The following ABCA8 variants were observed in gnomAD, a reference collection of about 807,000 sequenced individuals.
ABCA8 encodes ABC-type organic anion transporter ABCA8.
ABCA8 carries 177 observed loss-of-function variants against 192.3 expected under a neutral mutation model. The observed-to-expected ratio is 0.92, with a 90% CI of 0.81 to 1.04. The LOEUF (loss-of-function observed/expected upper bound fraction) is 1.04. ABCA8 is among the 50% of genes least tolerant of loss of function. ABCA8 has a pLI of 0.00. For synonymous variants in ABCA8, 642 were observed against 690.2 expected (o/e 0.93, Z 1.09); for missense variants, 1,915 against 1,904.8 (o/e 1.01, Z -0.10).
At chr17:68,912,740 T>C (rs1387608756) in intron 17 of ABCA8, among the ~76,000 whole-genome samples, 1 of 152,094 alleles carries the variant, frequency 6.6e-6, no homozygotes, top group East Asian at 1.9e-4. Context: ...CACCCAGATA[T>C]GTAATGCAAA....
chr17:68,877,676 G>A lies in ABCA8; in HGVS notation c.4042C>T (p.Leu1348=). The A allele has an allele frequency of 6.2e-7, 1 of 1,608,296 alleles. No individual in the cohort carries two copies. The highest frequency in any genetic ancestry group is 8.5e-7 in the Non-Finnish European group (1 of 1,176,732). The change falls in exon 33 of 40, where the codon CTA becomes TTA. Residue 1348 remains leucine (L), a synonymous_variant. Coordinates refer to ENST00000586539, the MANE Select transcript of ABCA8 (RefSeq NM_001288985.2). Reference sequence around the variant, plus strand: ...TCCCCTCCACCGCTCCCTTTCAGTAGCACCTGCAGATGAAAGTTCCCTCTC... The same window carrying A: ...TCCCCTCCACCGCTCCCTTTCAGTAACACCTGCAGATGAAAGTTCCCTCTC... The part of the protein sequence containing the change: ...GDTKPTAGQV[L]LKGSGGGDAL...
In ABCA8 at chr17:68,895,136, A is replaced by G; in HGVS notation, c.2765-123T>C. 5.3e-6 allele frequency: 3 copies of G among 560,910 alleles called. 1 individual carries two copies. In the South Asian group the frequency reaches 1.9e-4, roughly 36 times the overall value. 34.7% of individuals were successfully genotyped at this position (560,910 alleles called of 1,614,324 possible). A position where few individuals can be genotyped will look rare whatever the true frequency, so the allele number is the denominator to read the frequency against. The stretch of plus-strand genomic sequence containing the variant: ...AATATGGACTGTCAGGATATTTTCT[A>G]CATAACATACATAACATCTATTATT... On this transcript the variant is annotated intron_variant, in intron 21 of 39. Coordinates refer to ENST00000586539, the MANE Select transcript of ABCA8 (RefSeq NM_001288985.2).
chr17:68,935,540 C>CTATATATATATATATA (rs6146128), intron 5 of ABCA8, among the ~76,000 whole-genome samples: 3,410 of 86,312 alleles, frequency 0.04, 136 homozygotes, highest in South Asian at 0.052. Flanking sequence ...AGTAGTATTC[C>CTATATATATATATATA]TATATATATA....
intron 15 of ABCA8, 26 bp from the exon 16 acceptor site, chr17:68,918,211 C>T (rs367597953): frequency 1.7e-4 from 278 of 1,611,788 alleles, no homozygotes; most frequent in Admixed American, 3.2e-4. Context: ...GTATATAAGG[C>T]GGTTTTCCTC....
Position 68,894,329 on chromosome 17 carries a change from G to A in ABCA8, c.2899-19C>T, listed in dbSNP as rs1486193694. On this transcript the variant is annotated intron_variant, in intron 22 of 39. Transcript: ENST00000586539. The stretch of plus-strand genomic sequence containing the variant: ...TGTAATTCTAAAATATAACAAGTAG[G>A]ATATAAGTTCTCAAATATCTTCATT... The A allele has an allele frequency of 6.3e-7, 1 of 1,574,864 alleles. No individual in the cohort carries two copies. Among genetic ancestry groups the A allele is most frequent in the East Asian group, 2.3e-5 (1 of 44,376 alleles).
chr17:68,923,217 T>A (rs573840205), intron 11 of ABCA8, among the ~76,000 whole-genome samples: 14 of 151,554 alleles, frequency 9.2e-5, no homozygotes, highest in African/African-American at 2.7e-4. Context: ...TTTTTTTTTT[T>A]GAGAGAGAGT....
rs1029613407 is a variant in ABCA8 at position 68,928,048 on chromosome 17, A to G, written c.1141T>C (p.Tyr381His). Residue 381 changes from tyrosine to histidine, a missense_variant, in exon 10 of 40, where the codon TAT becomes CAT. Physicochemically the swap from Tyr to His is moderately conservative, Grantham distance 83 (BLOSUM62 2). Coordinates refer to ENST00000586539, the MANE Select transcript of ABCA8 (RefSeq NM_001288985.2). ...GGAAATGCATTAGAATTCAAATCATAGTCCAAGTGTAAAAGCTGAAAATTA... is the reference window on the plus strand; with the variant it reads ...GGAAATGCATTAGAATTCAAATCATGGTCCAAGTGTAAAAGCTGAAAATTA... ...LGMAQLLHLD[Y>H]DLNSNAFPHP... 4.4e-6 allele frequency: 7 copies of G among 1,589,422 alleles called. No individual in the cohort carries two copies. In the African/African-American group the frequency reaches 8.2e-5, roughly 19 times the overall value.
At chr17:68,905,522 C>T (rs990920828) in intron 19 of ABCA8, among the ~76,000 whole-genome samples, 4 of 151,882 alleles carry the variant, frequency 2.6e-5, no homozygotes, top group African/African-American at 4.8e-5. Context: ...TTATTATGTT[C>T]GGCTTCAAAA....
chr17:68,951,800 A>G (rs1318020548), intron 1 of ABCA8, among the ~76,000 whole-genome samples: 7 of 152,156 alleles, frequency 4.6e-5, no homozygotes, highest in Non-Finnish European at 1.0e-4. Context: ...GCATTTTTAA[A>G]TATTTGGTTA....
At chr17:68,880,616 G>A (rs1850734991) in intron 32 of ABCA8, among the ~76,000 whole-genome samples, 1 of 152,114 alleles carries the variant, frequency 6.6e-6, no homozygotes, top group African/African-American at 2.4e-5. Flanking sequence ...ACATTTTTTG[G>A]TGCCTGCAGT....
At chr17:68,917,582 G>C (rs1598256031) in intron 16 of ABCA8, 131 bp from the exon 17 acceptor site, 6 of 596,016 alleles carry the variant, frequency 1.0e-5, no homozygotes, top group Non-Finnish European at 2.9e-6. Flanking sequence ...TGCAGGACTC[G>C]ATAAGGACTC....
chr17:68,907,197 T>C (rs2067091189), intron 18 of ABCA8, among the ~76,000 whole-genome samples: 1 of 152,176 alleles, frequency 6.6e-6, no homozygotes, highest in South Asian at 2.1e-4. Flanking sequence ...GTTGTCACCA[T>C]AAAATGTGTA....
chr17:68,906,255 C>A, intron 18 of ABCA8, 92 bp from the exon 19 acceptor site: 1 of 974,000 alleles, frequency 1.0e-6, no homozygotes, highest in Non-Finnish European at 1.4e-6. Context: ...ATCTATGAAA[C>A]TATACTTGTG....
chr17:68,904,291 AAATAATAATAATAATAATAATAATAAT>A (rs71144635), intron 19 of ABCA8, among the ~76,000 whole-genome samples: 5 of 144,306 alleles, frequency 3.5e-5, no homozygotes, highest in South Asian at 2.2e-4. Flanking sequence ...CAAAAAAAAG[AAATAATAATAATAATAATAATAATAAT>A]AATAATAATA....
chr17:68,945,380 A>G (rs561291123), intron 2 of ABCA8, among the ~76,000 whole-genome samples: 57 of 151,536 alleles, frequency 3.8e-4, no homozygotes, highest in Non-Finnish European at 6.8e-4. Context: ...TGTATTTTAG[A>G]TATTTGTTTG....
At chr17:68,929,802 A>G (rs912811078) in intron 7 of ABCA8, 100 bp from the exon 8 acceptor site, 10 of 1,067,216 alleles carry the variant, frequency 9.4e-6, no homozygotes, top group Admixed American at 5.9e-5. Flanking sequence ...TTATTCATCC[A>G]TTCATTCTCT....
At chr17:68,901,205 G>A (rs1434542913) in intron 21 of ABCA8, among the ~76,000 whole-genome samples, 1 of 152,126 alleles carries the variant, frequency 6.6e-6, no homozygotes. Flanking sequence ...AAATTTCAGT[G>A]AATAGGCAAA....
chr17:68,907,348 G>A (rs766717366), intron 18 of ABCA8, among the ~76,000 whole-genome samples: 19 of 151,850 alleles, frequency 1.3e-4, no homozygotes, highest in Non-Finnish European at 2.2e-4. Flanking sequence ...ACTTTTATGC[G>A]TTAGCCTGAA....
chr17:68,946,641 G>T (rs902908317), intron 2 of ABCA8, among the ~76,000 whole-genome samples: 1 of 152,080 alleles, frequency 6.6e-6, no homozygotes, highest in Non-Finnish European at 1.5e-5. Flanking sequence ...TAATGAGCAA[G>T]AAATTATATT....
Sources: allele counts gnomAD v4.1 joint callset (sites outside exome capture counted in the v4.1 genomes callset), GRCh38; gene constraint gnomAD v4.1.1; transcripts MANE v1.5; gene names NCBI Gene and HGNC (gene_info 2026-07-23, HGNC 2026-07-21).